Variants in PACRG observed in about 807,000 individuals in gnomAD.
PACRG encodes parkin coregulated.
Under a neutral mutation model 29.7 loss-of-function variants are expected in PACRG, and 29 were observed. The observed-to-expected ratio is 0.98, with a 90% CI of 0.73 to 1.33. The LOEUF is 1.33. PACRG is among the 40% of genes most tolerant of loss of function. PACRG has a pLI of 0.00. For missense variants in PACRG, 279 were observed against 316.2 expected, an observed-to-expected ratio of 0.88 and a Z score of 0.89; for synonymous variants, 116 against 118.7, an observed-to-expected ratio of 0.98 and a Z score of 0.15.
intron 4 of PACRG, among the ~76,000 whole-genome samples, chr6:163,147,542 T>C (rs1777850075): frequency 6.6e-6 from 1 of 152,200 alleles, no homozygotes; most frequent in Non-Finnish European, 1.5e-5. Context: ...CTTTCTATTC[T>C]GACTATAATA....
chr6:163,140,329 G>A (rs755926860), intron 4 of PACRG, among the ~76,000 whole-genome samples: 3 of 152,276 alleles, frequency 2.0e-5, no homozygotes, highest in African/African-American at 4.8e-5. Context: ...AAAGCAGTCC[G>A]TGGTGGCTGA....
intron 2 of PACRG, among the ~76,000 whole-genome samples, chr6:162,958,861 A>ATG (rs1339734061): frequency 1.2e-3 from 53 of 44,910 alleles, no homozygotes; most frequent in African/African-American, 4.7e-3. Flanking sequence ...ATATATATAT[A>ATG]TATATATATA....
intron 2 of PACRG, among the ~76,000 whole-genome samples, chr6:162,921,187 C>T (rs1381125340): frequency 6.6e-6 from 1 of 152,086 alleles, no homozygotes; most frequent in Non-Finnish European, 1.5e-5. Flanking sequence ...CTAAATCAGC[C>T]AGCCTTGTCA....
chr6:162,734,888 G>T (rs1435399343), intron 1 of PACRG, among the ~76,000 whole-genome samples: 2 of 152,114 alleles, frequency 1.3e-5, no homozygotes, highest in African/African-American at 2.4e-5. Context: ...CTGTCTCTTT[G>T]TAGTCACTAC....
intron 4 of PACRG, among the ~76,000 whole-genome samples, chr6:163,218,203 CCTCT>C (rs1781439089): frequency 6.6e-6 from 1 of 152,128 alleles, no homozygotes; most frequent in African/African-American, 2.4e-5. Context: ...TATCAACTTA[CCTCT>C]CTCTGTCCTC....
intron 2 of PACRG, among the ~76,000 whole-genome samples, chr6:162,998,924 C>G (rs1804330119): frequency 6.6e-6 from 1 of 152,104 alleles, no homozygotes; most frequent in Admixed American, 6.5e-5. Flanking sequence ...CCTTAGTGGA[C>G]AAAGCCCTAG....
intron 4 of PACRG, among the ~76,000 whole-genome samples, chr6:163,271,623 T>C (rs9295219): frequency 0.66 from 99,634 of 152,100 alleles, 32,646 homozygotes; most frequent in Middle Eastern, 0.69. Context: ...TTTTACCTAC[T>C]GGTTTGAGAT....
chr6:162,980,124 G>A (rs545840332), intron 2 of PACRG, among the ~76,000 whole-genome samples: 8 of 151,800 alleles, frequency 5.3e-5, no homozygotes, highest in Non-Finnish European at 1.0e-4. Context: ...GAAGGTTCAA[G>A]GTTTTCCCAG....
chr6:162,867,401 C>T (rs992050848), intron 2 of PACRG, among the ~76,000 whole-genome samples: 6 of 152,116 alleles, frequency 3.9e-5, no homozygotes, highest in African/African-American at 1.2e-4. Flanking sequence ...AGATGTGAGA[C>T]TTCTTGGACA....
intron 4 of PACRG, among the ~76,000 whole-genome samples, chr6:163,297,855 T>G (rs1356599926): frequency 6.6e-6 from 1 of 152,142 alleles, no homozygotes; most frequent in Non-Finnish European, 1.5e-5. Flanking sequence ...TAAAGCAAGC[T>G]TTTTAGAAAC....
intron 2 of PACRG, among the ~76,000 whole-genome samples, chr6:162,868,086 T>C (rs527348695): frequency 1.2e-4 from 18 of 152,328 alleles, no homozygotes; most frequent in Admixed American, 1.1e-3. Flanking sequence ...GCTGGATCTC[T>C]CACTGAATAA....
chr6:162,752,765 T>G (rs1259597707), intron 1 of PACRG, among the ~76,000 whole-genome samples: 3 of 152,198 alleles, frequency 2.0e-5, no homozygotes, highest in African/African-American at 7.2e-5. Flanking sequence ...TAAACAAATC[T>G]GCTTTAGCAG....
At chr6:163,128,532 T>C (rs1816604097) in intron 4 of PACRG, among the ~76,000 whole-genome samples, 1 of 152,188 alleles carries the variant, frequency 6.6e-6, no homozygotes, top group Non-Finnish European at 1.5e-5. Context: ...TTGAGCTATA[T>C]TCATGCAAGT....
At chr6:162,798,984 A>G (rs187298032) in intron 1 of PACRG, among the ~76,000 whole-genome samples, 1 of 152,342 alleles carries the variant, frequency 6.6e-6, no homozygotes, top group East Asian at 1.9e-4. Context: ...TATGCAAAAA[A>G]GAATAACTTC....
chr6:163,307,475 G>A (rs11751799), intron 4 of PACRG, among the ~76,000 whole-genome samples: 13,838 of 152,306 alleles, frequency 0.091, 706 homozygotes, highest in Non-Finnish European at 0.12. Flanking sequence ...GCCAGATGCC[G>A]TGGTTATTGT....
chr6:163,227,222 C>G (rs779049042), intron 4 of PACRG, among the ~76,000 whole-genome samples: 1 of 152,130 alleles, frequency 6.6e-6, no homozygotes, highest in Non-Finnish European at 1.5e-5. Context: ...CTTCTACTCA[C>G]GATAGAGGGC....
At chr6:162,808,521 T>G (rs1182590840) in intron 1 of PACRG, among the ~76,000 whole-genome samples, 2 of 152,176 alleles carry the variant, frequency 1.3e-5, no homozygotes, top group Non-Finnish European at 2.9e-5. Context: ...AGCCTTACAT[T>G]CCTTCCTTAT....
At chr6:163,213,976 C>T (rs967775606) in intron 4 of PACRG, among the ~76,000 whole-genome samples, 3 of 152,140 alleles carry the variant, frequency 2.0e-5, no homozygotes, top group African/African-American at 4.8e-5. Flanking sequence ...TGAAACACAA[C>T]CTATATCACA....
chr6:162,762,759 A>G (rs533404226), intron 1 of PACRG, among the ~76,000 whole-genome samples: 1 of 152,338 alleles, frequency 6.6e-6, no homozygotes, highest in South Asian at 2.1e-4. Context: ...TTACATATAG[A>G]ACACTGACTA....
Sources: allele counts gnomAD v4.1 joint callset (sites outside exome capture counted in the v4.1 genomes callset), GRCh38; gene constraint gnomAD v4.1.1; transcripts MANE v1.5; gene names NCBI Gene and HGNC (gene_info 2026-07-23, HGNC 2026-07-21).